USP12: variants seen among roughly 807,000 people sequenced by gnomAD.
USP12 encodes the protein ubiquitin carboxyl-terminal hydrolase 12.
USP12 carries 19 observed loss-of-function variants against 45.5 expected under a neutral mutation model. The ratio of observed to expected loss-of-function variants is 0.42; its 90% CI spans 0.29 to 0.61. The LOEUF is 0.61. USP12 is among the 20% of genes least tolerant of loss of function. The pLI is 0.22. For synonymous variants in USP12, 149 were observed against 148.8 expected, an observed-to-expected ratio of 1.00 and a Z score of -0.01; for missense variants, 242 against 447.7, an observed-to-expected ratio of 0.54 and a Z score of 4.15.
chr13:27,158,426 C>T (rs141785016), intron 1 of USP12, among the ~76,000 whole-genome samples: 2 of 152,302 alleles, frequency 1.3e-5, no homozygotes, highest in African/African-American at 4.8e-5. Context: ...CAGGCATGCA[C>T]CACTTAATGA....
intron 3 of USP12, among the ~76,000 whole-genome samples, chr13:27,097,455 A>C (rs1874643563): frequency 6.6e-6 from 1 of 152,194 alleles, no homozygotes; most frequent in African/African-American, 2.4e-5. Context: ...ACAAGAGCAA[A>C]ACTCCATCTC....
intron 6 of USP12, among the ~76,000 whole-genome samples, chr13:27,085,995 G>A (rs1045259824): frequency 1.3e-5 from 2 of 151,336 alleles, no homozygotes; most frequent in African/African-American, 4.8e-5. Flanking sequence ...GCAAGAGCCC[G>A]TCTATAAAAA....
In USP12 at chr13:27,069,213, G is replaced by A; in HGVS notation, c.*70C>T. 7.4e-7 allele frequency: 1 copy of A among 1,342,858 alleles called. No individual in the cohort carries two copies. The highest frequency in any genetic ancestry group is 1.1e-6 in the Non-Finnish European group (1 of 940,316). The allele number at this position is 1,342,858 out of a possible 1,614,324, so 83.2% of individuals were successfully genotyped here. On this transcript the variant is annotated 3_prime_UTR_variant, in exon 9 of 9. Coordinates refer to ENST00000282344, the MANE Select transcript of USP12 (RefSeq NM_182488.4). ...GCATTTCTCTTTTCTTGAAAAATCA[G>A]TGCTTGATCCTTTCCAAAATAACCA...
chr13:27,150,396 T>C (rs1302547921), intron 1 of USP12, among the ~76,000 whole-genome samples: 1 of 148,706 alleles, frequency 6.7e-6, no homozygotes, highest in Non-Finnish European at 1.5e-5. Context: ...CATTTCAGAG[T>C]TTCAAAACTC....
intron 1 of USP12, among the ~76,000 whole-genome samples, chr13:27,171,003 G>A (rs1307575456): frequency 1.3e-5 from 2 of 152,184 alleles, no homozygotes; most frequent in Non-Finnish European, 2.9e-5. Flanking sequence ...GCGGCGCGAG[G>A]AAATCTGCAC....
chr13:27,147,567 C>G (rs570035661), intron 1 of USP12, among the ~76,000 whole-genome samples: 17 of 152,110 alleles, frequency 1.1e-4, no homozygotes, highest in African/African-American at 4.1e-4. Flanking sequence ...AAGTGTATGT[C>G]ATAAACACAA....
In USP12 at chr13:27,066,449, T is replaced by A. The variant is rs1331374090; in HGVS notation, c.*2834A>T. On this transcript the variant is annotated 3_prime_UTR_variant, in exon 9 of 9. Transcript: ENST00000282344. ...TAATAAAAAGTGTTTTTAAAGAAAGTATCAAGAGTAGTTATGTTATGAAAA... is the reference window on the plus strand; with the variant it reads ...TAATAAAAAGTGTTTTTAAAGAAAGAATCAAGAGTAGTTATGTTATGAAAA... The A allele has an allele frequency of 6.6e-6, 1 of 152,104 alleles. No individual in the cohort carries two copies. Among genetic ancestry groups the A allele is most frequent in the Non-Finnish European group, 1.5e-5 (1 of 68,034 alleles). 9.4% of individuals were successfully genotyped at this position (152,104 alleles called of 1,614,324 possible).
chr13:27,153,290 G>C (rs918310980), intron 1 of USP12, among the ~76,000 whole-genome samples: 14 of 152,216 alleles, frequency 9.2e-5, no homozygotes, highest in African/African-American at 1.4e-4. Flanking sequence ...CTGGGCAACA[G>C]AGTGAGACTC....
intron 2 of USP12, among the ~76,000 whole-genome samples, chr13:27,111,194 C>T (rs971498478): frequency 4.6e-5 from 7 of 152,174 alleles, no homozygotes; most frequent in Admixed American, 1.3e-4. Flanking sequence ...GAAAATACTA[C>T]TCTTTCTCCA....
chr13:27,110,127 T>TAAAAAAAAAAAAA (rs1555234986), intron 2 of USP12, among the ~76,000 whole-genome samples: 1 of 119,620 alleles, frequency 8.4e-6, no homozygotes, highest in African/African-American at 3.2e-5. Context: ...CTTTTCCAGG[T>TAAAAAAAAAAAAA]AAAAAAAAAA....
chr13:27,094,365 G>T (rs1358314882), intron 4 of USP12, among the ~76,000 whole-genome samples: 1 of 152,030 alleles, frequency 6.6e-6, no homozygotes, highest in East Asian at 1.9e-4. Flanking sequence ...AGCTGGGGGT[G>T]ATGGCATGCA....
intron 1 of USP12, among the ~76,000 whole-genome samples, chr13:27,160,835 G>A (rs1199716133): frequency 1.3e-5 from 2 of 149,284 alleles, no homozygotes; most frequent in African/African-American, 2.5e-5. Flanking sequence ...TGTGCAGGAT[G>A]TGCAGGTTTG....
At chr13:27,103,455 A>C (rs887145531) in intron 3 of USP12, among the ~76,000 whole-genome samples, 1 of 151,988 alleles carries the variant, frequency 6.6e-6, no homozygotes, top group African/African-American at 2.4e-5. Context: ...TGAAGTTTAG[A>C]AAAATGAAGC....
chr13:27,164,187 C>T (rs1159514713), intron 1 of USP12, among the ~76,000 whole-genome samples: 1 of 152,056 alleles, frequency 6.6e-6, no homozygotes, highest in Non-Finnish European at 1.5e-5. Context: ...TCTAACTCTA[C>T]TGAAAGATAT....
intron 3 of USP12, among the ~76,000 whole-genome samples, chr13:27,100,023 G>A (rs1482380596): frequency 2.0e-5 from 3 of 152,130 alleles, no homozygotes; most frequent in Non-Finnish European, 4.4e-5. Flanking sequence ...GCTCAGAGTA[G>A]AAGTCTATGC....
chr13:27,131,711 A>C (rs185955076), intron 1 of USP12, among the ~76,000 whole-genome samples: 4 of 152,322 alleles, frequency 2.6e-5, no homozygotes, highest in Non-Finnish European at 5.9e-5. Context: ...TTTTATAAGT[A>C]CTCTAAGTTC....
At chr13:27,105,595 A>C in intron 3 of USP12, 136 bp downstream of exon 3, 1 of 780,536 alleles carries the variant, frequency 1.3e-6, no homozygotes, top group South Asian at 1.9e-5. Context: ...TCTTTGAAGA[A>C]AGGCGTGTCA....
chr13:27,147,634 G>A (rs770907521), intron 1 of USP12, among the ~76,000 whole-genome samples: 1 of 151,980 alleles, frequency 6.6e-6, no homozygotes, highest in East Asian at 1.9e-4. Flanking sequence ...AAGACAAAAA[G>A]ACACAGCAAG....
chr13:27,119,598 T>G (rs1875889784), intron 1 of USP12, among the ~76,000 whole-genome samples: 1 of 152,254 alleles, frequency 6.6e-6, no homozygotes, highest in African/African-American at 2.4e-5. Flanking sequence ...AATTAAAAGA[T>G]TATGTGATTT....
Sources: allele counts gnomAD v4.1 joint callset (sites outside exome capture counted in the v4.1 genomes callset), GRCh38; gene constraint gnomAD v4.1.1; transcripts MANE v1.5; gene names NCBI Gene and HGNC (gene_info 2026-07-23, HGNC 2026-07-21).